The following ABHD12B variants were observed in gnomAD, a reference collection of about 807,000 sequenced individuals.
ABHD12B encodes the protein abhydrolase domain containing 12B, also known as protein ABHD12B.
In ABHD12B, 42 loss-of-function variants were observed where a neutral mutation model predicts 50.4. The observed-to-expected ratio is 0.83, with a 90% confidence interval of 0.65 to 1.08. The LOEUF is 1.08. ABHD12B is among the 50% of genes least tolerant of loss of function. The pLI is 0.00. For missense variants in ABHD12B, 479 were observed against 447.7 expected (o/e 1.07, Z -0.63); for synonymous variants, 167 against 160.3 (o/e 1.04, Z -0.32).
chr14:50,904,260 C>A (rs914765599), intron 12 of ABHD12B, 68 bp downstream of exon 12: 1 of 1,613,258 alleles, frequency 6.2e-7, no homozygotes, highest in Non-Finnish European at 8.5e-7. Context: ...CTTACTTAGG[C>A]CACAACATGA....
At chr14:50,890,595 CATT>C (rs1566490432) in intron 9 of ABHD12B, among the ~76,000 whole-genome samples, 1 of 152,046 alleles carries the variant, frequency 6.6e-6, no homozygotes, top group East Asian at 1.9e-4. Flanking sequence ...TTTCACCCAA[CATT>C]ATATTTGTGG....
At chr14:50,898,386 G>A (rs1224223813) in intron 9 of ABHD12B, among the ~76,000 whole-genome samples, 1 of 152,234 alleles carries the variant, frequency 6.6e-6, no homozygotes, top group Non-Finnish European at 1.5e-5. Context: ...TGGGCTTGCT[G>A]TCTAGTTGTT....
intron 4 of ABHD12B, 103 bp from the exon 5 acceptor site, chr14:50,881,493 G>T: frequency 8.2e-7 from 1 of 1,221,748 alleles, no homozygotes; most frequent in Non-Finnish European, 1.1e-6. Flanking sequence ...AAAGAGAAAG[G>T]CGTGAGATCA....
chr14:50,890,502 A>G (rs2050103038), intron 9 of ABHD12B, among the ~76,000 whole-genome samples: 1 of 152,184 alleles, frequency 6.6e-6, no homozygotes. Context: ...TAGAGTTACC[A>G]CCTGTACATG....
chr14:50,900,820 C>T (rs1206370630), intron 9 of ABHD12B, among the ~76,000 whole-genome samples: 2 of 152,148 alleles, frequency 1.3e-5, no homozygotes, highest in South Asian at 4.1e-4. Context: ...GGCAGGAAGC[C>T]GCCGGATTCT....
At position 50,872,150 on chromosome 14, in the gene ABHD12B, G is replaced by C; in HGVS notation, c.-25G>C. 7.8e-7 allele frequency: 1 copy of C among 1,274,646 alleles called. No homozygotes were observed. Among genetic ancestry groups the C allele is most frequent in the Non-Finnish European group, 9.9e-7 (1 of 1,009,940 alleles). 79.0% of individuals were successfully genotyped at this position (1,274,646 alleles called of 1,614,324 possible). On this transcript the variant is annotated 5_prime_UTR_variant, in exon 1 of 13. Transcript: ENST00000337334. ...CCGGACTGCAGCTCCCGCGGCGGTGGCGGCGTATCGGGACACGGCGCGGGA... is the reference window on the plus strand; with the variant it reads ...CCGGACTGCAGCTCCCGCGGCGGTGCCGGCGTATCGGGACACGGCGCGGGA...
intron 10 of ABHD12B, among the ~76,000 whole-genome samples, chr14:50,902,286 C>T (rs1238281391): frequency 6.6e-6 from 1 of 152,046 alleles, no homozygotes; most frequent in Non-Finnish European, 1.5e-5. Flanking sequence ...AGTTTGAAAC[C>T]AGCCCGGGCA....
chr14:50,880,107 A>G (rs1283438003), intron 3 of ABHD12B, among the ~76,000 whole-genome samples: 1 of 152,192 alleles, frequency 6.6e-6, no homozygotes, highest in Non-Finnish European at 1.5e-5. Flanking sequence ...GCAGATGGTA[A>G]ACATCTATTA....
chr14:50,903,557 A>G (rs1417308859), intron 11 of ABHD12B, 90 bp downstream of exon 11: 1 of 1,074,136 alleles, frequency 9.3e-7, no homozygotes, highest in Non-Finnish European at 1.4e-6. Flanking sequence ...AGCCGAAAGG[A>G]GGGTCTCTGA....
chr14:50,899,140 C>T (rs12587863), intron 9 of ABHD12B, among the ~76,000 whole-genome samples: 33,348 of 152,030 alleles, frequency 0.22, 4,080 homozygotes, highest in East Asian at 0.45. Flanking sequence ...TGCGGTGAAC[C>T]GAGATCGTGC....
chr14:50,896,004 G>A (rs948612679), intron 9 of ABHD12B, among the ~76,000 whole-genome samples: 140 of 151,094 alleles, frequency 9.3e-4, no homozygotes, highest in African/African-American at 2.5e-3. Context: ...TCTCATTGCC[G>A]CCCTTCTTCC....
intron 9 of ABHD12B, among the ~76,000 whole-genome samples, chr14:50,896,952 G>A (rs951158308): frequency 1.3e-5 from 2 of 151,982 alleles, no homozygotes; most frequent in African/African-American, 2.4e-5. Flanking sequence ...GATTATTAAA[G>A]TACCTCATCA....
chr14:50,882,056 C>T (rs542338274), intron 5 of ABHD12B, among the ~76,000 whole-genome samples: 1 of 152,154 alleles, frequency 6.6e-6, no homozygotes, highest in African/African-American at 2.4e-5. Context: ...CTGCCTCAGC[C>T]TCCCGAGTAG....
At chr14:50,900,000 G>A (rs1267692585) in intron 9 of ABHD12B, among the ~76,000 whole-genome samples, 1 of 152,096 alleles carries the variant, frequency 6.6e-6, no homozygotes, top group Non-Finnish European at 1.5e-5. Flanking sequence ...CCCTTTGGGT[G>A]GTCAAGGCCA....
At chr14:50,872,347 G>T (rs1332327765) in intron 1 of ABHD12B, 69 bp downstream of exon 1, 4 of 1,134,826 alleles carry the variant, frequency 3.5e-6, no homozygotes, top group East Asian at 3.3e-5. Flanking sequence ...GGGGCAGGGG[G>T]CCAGGGCGCG....
Position 50,901,840 on chromosome 14 carries a change from C to T in ABHD12B, c.792C>T (p.Asn264=), listed in dbSNP as rs1245305206. The change falls in exon 10 of 13, where the codon AAC becomes AAT. Residue 264 remains asparagine, a synonymous_variant. Transcript: ENST00000337334. ...INYPLLKIYR[N]IPGFLRTLMD... Reference sequence around the variant, plus strand: ...TTTTTTAAAAATAGATTTACCGGAACATTCCAGGATTTTTACGTACACTTA... The same window carrying T: ...TTTTTTAAAAATAGATTTACCGGAATATTCCAGGATTTTTACGTACACTTA... 1.3e-6 allele frequency: 2 copies of T among 1,590,872 alleles called. No individual in the cohort carries two copies. The highest frequency in any genetic ancestry group is 1.9e-5 in the Admixed American group (1 of 52,830).
At chr14:50,874,806 G>A (rs1303095194) in intron 1 of ABHD12B, among the ~76,000 whole-genome samples, 1 of 152,118 alleles carries the variant, frequency 6.6e-6, no homozygotes, top group African/African-American at 2.4e-5. Flanking sequence ...CTATTGGATA[G>A]TATTCTAGTC....
intron 1 of ABHD12B, among the ~76,000 whole-genome samples, chr14:50,873,272 G>A (rs2049811866): frequency 1.3e-5 from 2 of 151,692 alleles, no homozygotes; most frequent in South Asian, 4.2e-4. Flanking sequence ...GCCCAGGCTG[G>A]AGTGCAGTGG....
Position 50,877,866 on chromosome 14 carries a change from C to CAAAAA in ABHD12B, c.105-81_105-77dup, listed in dbSNP as rs10672040. On this transcript the variant is annotated intron_variant, in intron 1 of 12. Transcript: ENST00000337334. ...TGGGCAACAAGAGCAGAACTCTGTC[C>CAAAAA]AAAAAAAAACAAAGAAAAAGAAAAA... 2,478 of 1,201,364 alleles carry CAAAAA rather than the reference C, an allele frequency of 2.1e-3. 2 individuals carry two copies. Among genetic ancestry groups the CAAAAA allele is most frequent in the South Asian group, 2.5e-3 (130 of 53,050 alleles). The allele number at this position is 1,201,364 out of a possible 1,614,324, so 74.4% of individuals were successfully genotyped here. A position where few individuals can be genotyped will look rare whatever the true frequency, so the allele number is the denominator to read the frequency against.
Sources: gnomAD v4.1 joint callset for allele counts (sites outside exome capture counted in the v4.1 genomes callset) on GRCh38, gnomAD v4.1.1 for gene constraint, MANE v1.5 for transcripts, NCBI Gene and HGNC (gene_info 2026-07-23, HGNC 2026-07-21) for gene names.